TIMM23: variants seen among roughly 807,000 people sequenced by gnomAD.
The protein encoded by TIMM23 is translocase of inner mitochondrial membrane 23.
In TIMM23, 19 loss-of-function variants were observed where a neutral mutation model predicts 30.7. The observed-to-expected ratio is 0.62, with a 90% CI of 0.43 to 0.91. The LOEUF (loss-of-function observed/expected upper bound fraction) is 0.91, where lower values mean the gene tolerates loss of function less well. Among genes scored for constraint, TIMM23 ranks in the 40% least tolerant of loss-of-function variants. The probability of loss-of-function intolerance (pLI) is 0.00; values close to 1 mark genes in which losing one functional copy is unlikely to be tolerated. For synonymous variants in TIMM23, 78 were observed against 98.5 expected, an observed-to-expected ratio of 0.79 and a Z score of 1.23; for missense variants, 202 against 269.2, an observed-to-expected ratio of 0.75 and a Z score of 1.75.
In TIMM23 at chr10:46,002,509, G is replaced by C. The variant is rs187313576; in HGVS notation, c.515-694G>C. On this transcript the variant is annotated intron_variant, in intron 6 of 6. Coordinates refer to ENST00000580018, the MANE Select transcript of TIMM23 (RefSeq NM_006327.4). The stretch of plus-strand genomic sequence containing the variant: ...GGTTAATATTTGGAGGACCCATCCA[G>C]AGTCCAAAGGTTGTTAATACTCTTT... The C allele has an allele frequency of 2.6e-5, 26 of 984,840 alleles. No individual in the cohort carries two copies. In the African/African-American group the frequency reaches 4.4e-4, roughly 17 times the overall value. 61.0% of individuals were successfully genotyped at this position (984,840 alleles called of 1,614,324 possible).
chr10:45,994,190 C>T (rs1403750911), intron 6 of TIMM23, among the ~76,000 whole-genome samples: 75 of 151,286 alleles, frequency 5.0e-4, no homozygotes, highest in Non-Finnish European at 7.5e-4. Flanking sequence ...AATACAAAAA[C>T]CAGCCGGGCA....
intron 5 of TIMM23, among the ~76,000 whole-genome samples, chr10:45,987,306 T>C (rs1403304884): frequency 3.9e-5 from 6 of 152,158 alleles, no homozygotes; most frequent in Non-Finnish European, 8.8e-5. Context: ...TGACCAGTTA[T>C]GTGGGAATAT....
At position 45,993,282 on chromosome 10, in the gene TIMM23, G is replaced by A. The variant is rs587717639; in HGVS notation, c.514+4435G>A. Among the ~76,000 whole-genome samples the A allele has an allele frequency of 2.9e-3, 399 of 136,296 alleles. 3 individuals carry two copies. Among genetic ancestry groups the A allele is most frequent in the African/African-American group, 0.01 (372 of 35,490 alleles). The allele number at this position is 136,296 out of a possible 152,430, so 89.4% of individuals were successfully genotyped here. A position where few individuals can be genotyped will look rare whatever the true frequency, so the allele number is the denominator to read the frequency against. On this transcript the variant is annotated intron_variant, in intron 6 of 6. Coordinates refer to ENST00000580018, the MANE Select transcript of TIMM23 (RefSeq NM_006327.4). ...TTTTTGGAGACTGAGTTTCACTCTC[G>A]TTGGCCAGACTGGAGTGCAATGGCA...
At chr10:46,002,447 GT>G (rs1554917843) in intron 6 of TIMM23, 1 of 957,238 alleles carries the variant, frequency 1.0e-6, no homozygotes. Flanking sequence ...GGGATTACAT[GT>G]GTGAGCCACC....
At chr10:45,982,238 T>C (rs1837872463) in intron 2 of TIMM23, among the ~76,000 whole-genome samples, 1 of 152,270 alleles carries the variant, frequency 6.6e-6, no homozygotes, top group Non-Finnish European at 1.5e-5. Flanking sequence ...TTCCTTTCTC[T>C]AGAGCTGTCC....
chr10:45,988,101 A>G (rs1292895766), intron 5 of TIMM23, among the ~76,000 whole-genome samples: 1 of 152,148 alleles, frequency 6.6e-6, no homozygotes, highest in Non-Finnish European at 1.5e-5. Context: ...CTGTCCAGAA[A>G]GTCCTCCGAC....
At chr10:45,985,502 C>A (rs1293336903) in intron 5 of TIMM23, 61 bp downstream of exon 5, 1 of 1,586,872 alleles carries the variant, frequency 6.3e-7, no homozygotes, top group Non-Finnish European at 8.7e-7. Context: ...ATATCATGAA[C>A]AATTTGATCA....
At chr10:45,992,448 ACT>A in intron 6 of TIMM23, 2 of 455,566 alleles carry the variant, frequency 4.4e-6, no homozygotes, top group Middle Eastern at 6.5e-4. Context: ...ATATGCGTAG[ACT>A]CTCCTTAGGA....
chr10:45,992,493 T>G (rs1217751745), intron 6 of TIMM23: 1 of 455,656 alleles, frequency 2.2e-6, no homozygotes, highest in African/African-American at 2.0e-5. Flanking sequence ...AGAAGTTTTA[T>G]AAACACTTGG....
At chr10:45,979,010 A>G (rs1375382120) in intron 2 of TIMM23, among the ~76,000 whole-genome samples, 3 of 152,242 alleles carry the variant, frequency 2.0e-5, no homozygotes, top group African/African-American at 4.8e-5. Context: ...AAAACTTCCT[A>G]AATGAAAGAA....
chr10:45,997,833 T>G (rs1303339520), intron 6 of TIMM23, among the ~76,000 whole-genome samples: 2 of 152,144 alleles, frequency 1.3e-5, no homozygotes, highest in Non-Finnish European at 2.9e-5. Flanking sequence ...AAAGTAGATG[T>G]TGGTAATAGC....
Position 45,999,997 on chromosome 10 carries a change from G to A in TIMM23, c.515-3206G>A, listed in dbSNP as rs542525922. ...GCTCTGTTCCACCTGGCTCACTGGC[G>A]GTCAAAGTTTAAGGTTATCTCTCTT... On this transcript the variant is annotated intron_variant, in intron 6 of 6. Transcript: ENST00000580018. 3.9e-5 allele frequency among the ~76,000 whole-genome samples: 6 copies of A among 152,288 alleles called. No individual in the cohort carries two copies. In the South Asian group the frequency reaches 8.3e-4, roughly 21 times the overall value.
intron 2 of TIMM23, among the ~76,000 whole-genome samples, chr10:45,980,716 C>G (rs1554913863): frequency 2.6e-5 from 4 of 152,206 alleles, no homozygotes; most frequent in South Asian, 2.1e-4. Context: ...CCTGGAGTGT[C>G]AGCAGAACAG....
intron 2 of TIMM23, among the ~76,000 whole-genome samples, chr10:45,982,197 G>A: frequency 6.6e-6 from 1 of 151,604 alleles, no homozygotes; most frequent in East Asian, 1.9e-4. Flanking sequence ...CAGACTGATT[G>A]TCTGTTCTGT....
At chr10:45,988,480 T>C (rs1590121408) in intron 5 of TIMM23, among the ~76,000 whole-genome samples, 1 of 152,188 alleles carries the variant, frequency 6.6e-6, no homozygotes, top group African/African-American at 2.4e-5. Context: ...AGAGAGAGAT[T>C]CTGTTTCTGA....
chr10:45,988,879 A>C (rs1408352958), intron 6 of TIMM23, 32 bp downstream of exon 6: 10 of 1,605,548 alleles, frequency 6.2e-6, no homozygotes, highest in Non-Finnish European at 8.5e-6. Context: ...GCCATCTCTT[A>C]ATACACTTGA....
intron 6 of TIMM23, among the ~76,000 whole-genome samples, chr10:45,997,078 C>CA (rs1432662617): frequency 6.6e-6 from 1 of 150,656 alleles, no homozygotes; most frequent in Non-Finnish European, 1.5e-5. Flanking sequence ...ACTAAAAATA[C>CA]AAAAAATGAG....
chr10:46,000,818 G>A (rs1838507029), intron 6 of TIMM23, among the ~76,000 whole-genome samples: 1 of 152,206 alleles, frequency 6.6e-6, no homozygotes, highest in African/African-American at 2.4e-5. Context: ...AGGAAATAGT[G>A]TCTGCAAAAG....
At chr10:46,000,345 A>G (rs1240932677) in intron 6 of TIMM23, among the ~76,000 whole-genome samples, 1 of 152,212 alleles carries the variant, frequency 6.6e-6, no homozygotes, top group African/African-American at 2.4e-5. Context: ...TTCACAATCC[A>G]TGTTCTTCTG....
Sources: gnomAD v4.1 joint callset for allele counts (sites outside exome capture counted in the v4.1 genomes callset) on GRCh38, gnomAD v4.1.1 for gene constraint, MANE v1.5 for transcripts, NCBI Gene and HGNC (gene_info 2026-07-23, HGNC 2026-07-21) for gene names.